CNIH3: variants seen among roughly 807,000 people sequenced by gnomAD.
CNIH3 encodes protein cornichon homolog 3.
In CNIH3, 14 loss-of-function variants were observed where a neutral mutation model predicts 24.1. That is an observed-to-expected ratio of 0.58 (90% CI 0.38 to 0.91). The LOEUF (loss-of-function observed/expected upper bound fraction) is 0.91, where lower values mean the gene tolerates loss of function less well. CNIH3 is among the 40% of genes least tolerant of loss of function. CNIH3 has a pLI of 0.00. For missense variants in CNIH3, 178 were observed against 196.8 expected, an observed-to-expected ratio of 0.90 and a Z score of 0.57; for synonymous variants, 68 against 73.8, an observed-to-expected ratio of 0.92 and a Z score of 0.40.
At chr1:224,730,319 G>T (rs1689256238) in intron 3 of CNIH3, 143 bp from the exon 4 acceptor site, 5 of 613,882 alleles carry the variant, frequency 8.1e-6, no homozygotes, top group Non-Finnish European at 1.2e-5. Context: ...CTGTGTTGGG[G>T]CAGTGGCTCT....
chr1:224,737,521 T>C (rs748876623), intron 5 of CNIH3, among the ~76,000 whole-genome samples: 4 of 151,998 alleles, frequency 2.6e-5, no homozygotes, highest in Non-Finnish European at 5.9e-5. Flanking sequence ...TCTCCCACCT[T>C]AGGAGCTGCC....
chr1:224,601,152 G>A (rs1008918399), intron 3 of CNIH3, among the ~76,000 whole-genome samples: 14 of 152,182 alleles, frequency 9.2e-5, no homozygotes, highest in Non-Finnish European at 1.9e-4. Context: ...ATTCAAGTGC[G>A]CTGTTTGACC....
At chr1:224,727,477 G>A (rs954124657) in intron 3 of CNIH3, among the ~76,000 whole-genome samples, 18 of 152,130 alleles carry the variant, frequency 1.2e-4, no homozygotes, top group African/African-American at 4.3e-4. Context: ...GGAGAATTTT[G>A]TATCAGCCGT....
chr1:224,526,932 T>C (rs1426900144), intron 2 of CNIH3, among the ~76,000 whole-genome samples: 1 of 152,146 alleles, frequency 6.6e-6, no homozygotes, highest in Non-Finnish European at 1.5e-5. Flanking sequence ...CAACCAGGTC[T>C]CATGAGAACT....
In CNIH3 at chr1:224,470,185, A is replaced by G. The variant is rs549952343; in HGVS notation, n.203+35323A>G. Among the ~76,000 whole-genome samples, 8 of 151,160 alleles carry G rather than the reference A, an allele frequency of 5.3e-5. No homozygotes were observed. The South Asian group carries it at 1.3e-3, about 24-fold the overall frequency. Reference sequence around the variant, plus strand: ...AGGCACCCGCCACCATGCCCGGCTAATTTTTTGTATTTTTAGTAGAGACGG... The same window carrying G: ...AGGCACCCGCCACCATGCCCGGCTAGTTTTTTGTATTTTTAGTAGAGACGG... On this transcript the variant is annotated intron_variant and non_coding_transcript_variant, in intron 1 of 5. Transcript: ENST00000471578.
At chr1:224,600,847 G>T (rs1682177143) in intron 3 of CNIH3, among the ~76,000 whole-genome samples, 1 of 152,208 alleles carries the variant, frequency 6.6e-6, no homozygotes, top group Non-Finnish European at 1.5e-5. Context: ...GTCCTTATAA[G>T]AAAATATACC....
chr1:224,454,278 A>C (rs1053337391), intron 1 of CNIH3: 1 of 801,394 alleles, frequency 1.2e-6, no homozygotes, highest in Middle Eastern at 6.3e-4. Flanking sequence ...TTTTTTTCAG[A>C]TCTCTGCTTC....
chr1:224,646,688 G>A (rs1317196325), intron 1 of CNIH3, among the ~76,000 whole-genome samples: 1 of 152,140 alleles, frequency 6.6e-6, no homozygotes, highest in African/African-American at 2.4e-5. Flanking sequence ...TTACAGGCAT[G>A]AGCCACCATG....
intron 1 of CNIH3, among the ~76,000 whole-genome samples, chr1:224,645,443 C>T (rs373210907): frequency 6.6e-5 from 10 of 152,264 alleles, no homozygotes; most frequent in South Asian, 4.1e-4. Flanking sequence ...GGATTGCACG[C>T]GTGTTACAGA....
intron 3 of CNIH3, among the ~76,000 whole-genome samples, chr1:224,697,351 C>T (rs1400967694): frequency 6.6e-6 from 1 of 152,186 alleles, no homozygotes; most frequent in African/African-American, 2.4e-5. Context: ...GTTTTTTTAA[C>T]AGCTCTCCAG....
At chr1:224,569,589 C>A (rs1164562686) in intron 4 of CNIH3, among the ~76,000 whole-genome samples, 3 of 152,104 alleles carry the variant, frequency 2.0e-5, no homozygotes, top group Non-Finnish European at 4.4e-5. Flanking sequence ...TTCATTCTTG[C>A]TAGATTATTT....
intron 1 of CNIH3, among the ~76,000 whole-genome samples, chr1:224,633,981 C>T (rs1683956344): frequency 6.6e-6 from 1 of 152,236 alleles, no homozygotes; most frequent in Non-Finnish European, 1.5e-5. Flanking sequence ...TGCAGAAAAA[C>T]ATCTTATTTC....
At chr1:224,533,014 T>C (rs924871991) in intron 2 of CNIH3, among the ~76,000 whole-genome samples, 2 of 152,110 alleles carry the variant, frequency 1.3e-5, no homozygotes, top group African/African-American at 4.8e-5. Flanking sequence ...GTAATAAATA[T>C]TATGTGAGTC....
chr1:224,685,240 C>G (rs920192860), intron 3 of CNIH3, among the ~76,000 whole-genome samples: 1 of 152,174 alleles, frequency 6.6e-6, no homozygotes, highest in Non-Finnish European at 1.5e-5. Context: ...GCTGGGTTTC[C>G]TTTGAGGTTG....
At chr1:224,648,077 T>C (rs1010224609) in intron 1 of CNIH3, among the ~76,000 whole-genome samples, 1 of 152,044 alleles carries the variant, frequency 6.6e-6, no homozygotes, top group African/African-American at 2.4e-5. Context: ...GAACCAGCCA[T>C]GTCCAGGAGG....
chr1:224,562,684 T>C (rs954144788), intron 3 of CNIH3, among the ~76,000 whole-genome samples: 4 of 152,114 alleles, frequency 2.6e-5, no homozygotes, highest in Non-Finnish European at 5.9e-5. Context: ...GTGCTCACTC[T>C]ACTAGTTCAC....
At chr1:224,660,846 T>C (rs1432311389) in intron 1 of CNIH3, among the ~76,000 whole-genome samples, 2 of 152,200 alleles carry the variant, frequency 1.3e-5, no homozygotes, top group Admixed American at 6.5e-5. Context: ...GCAGACGTGA[T>C]GGAAAAGCAG....
At chr1:224,603,479 G>A (rs1219646980) in intron 3 of CNIH3, among the ~76,000 whole-genome samples, 2 of 152,168 alleles carry the variant, frequency 1.3e-5, no homozygotes, top group Non-Finnish European at 2.9e-5. Context: ...AATAGAGGGA[G>A]GGCAGAGAGC....
chr1:224,531,950 C>T (rs570663654), intron 2 of CNIH3, among the ~76,000 whole-genome samples: 2 of 152,204 alleles, frequency 1.3e-5, no homozygotes, highest in South Asian at 4.2e-4. Flanking sequence ...GTTCTAGGTA[C>T]TTGGGTTGAA....
Sources: allele counts gnomAD v4.1 joint callset (sites outside exome capture counted in the v4.1 genomes callset), GRCh38; gene constraint gnomAD v4.1.1; transcripts MANE v1.5; gene names NCBI Gene and HGNC (gene_info 2026-07-23, HGNC 2026-07-21).